Variants in RBFOX1 observed in about 807,000 individuals in gnomAD.
RBFOX1 encodes the protein RNA binding fox-1 homolog 1.
Under a neutral mutation model 57.7 loss-of-function variants are expected in RBFOX1, and 8 were observed. The observed-to-expected ratio is 0.14, with a 90% CI of 0.08 to 0.25. The LOEUF is 0.25. RBFOX1 is among the 10% of genes least tolerant of loss of function. RBFOX1 has a pLI of 1.00. For missense variants in RBFOX1, 611 were observed against 548.5 expected (o/e 1.11, Z -1.14); for synonymous variants, 326 against 222.4 (o/e 1.47, Z -4.15).
In RBFOX1 at chr16:5,980,913, C is replaced by T. The variant is rs541985938; in HGVS notation, c.351+113578C>T. 2.6e-4 allele frequency among the ~76,000 whole-genome samples: 40 copies of T among 152,232 alleles called. 1 individual carries two copies. The highest frequency in any genetic ancestry group is 4.7e-4 in the Non-Finnish European group (32 of 68,006). ...CACTGGGCTTGCTTTTTATAACTAC[C>T]TTCTATGTGCCACAAGTAGGGTTTC... On this transcript the variant is annotated intron_variant, in intron 4 of 19. Transcript: ENST00000641259.
At chr16:6,703,082 C>T (rs1451025729) in intron 3 of RBFOX1, among the ~76,000 whole-genome samples, 1 of 152,126 alleles carries the variant, frequency 6.6e-6, no homozygotes, top group Non-Finnish European at 1.5e-5. Context: ...GTGTGTTATT[C>T]TTATTTCCTT....
At chr16:7,539,440 G>A (rs2082327478) in intron 5 of RBFOX1, among the ~76,000 whole-genome samples, 1 of 152,170 alleles carries the variant, frequency 6.6e-6, no homozygotes, top group African/African-American at 2.4e-5. Context: ...GTCTCTTCTT[G>A]TAGGTGGAAC....
At chr16:6,584,352 T>G (rs967528999) in intron 2 of RBFOX1, among the ~76,000 whole-genome samples, 7 of 140,650 alleles carry the variant, frequency 5.0e-5, no homozygotes, top group African/African-American at 1.5e-4. Flanking sequence ...TTATTATTAT[T>G]ATTATTATTA....
At chr16:5,842,243 C>T (rs886585052) in intron 3 of RBFOX1, among the ~76,000 whole-genome samples, 1 of 152,090 alleles carries the variant, frequency 6.6e-6, no homozygotes, top group East Asian at 1.9e-4. Context: ...CGATGATTTT[C>T]CTAGTGAGAT....
chr16:5,575,957 G>A (rs867732643), intron 2 of RBFOX1, among the ~76,000 whole-genome samples: 3 of 151,826 alleles, frequency 2.0e-5, no homozygotes, highest in Middle Eastern at 3.2e-3. Context: ...GCTGGGGGGA[G>A]GGATAGAGAG....
intron 1 of RBFOX1, among the ~76,000 whole-genome samples, chr16:6,176,355 C>T (rs368992748): frequency 1.7e-3 from 212 of 125,606 alleles, no homozygotes; most frequent in African/African-American, 6.3e-3. Flanking sequence ...TATGGGGTTT[C>T]GCCATGTTGG....
intron 1 of RBFOX1, among the ~76,000 whole-genome samples, chr16:6,295,781 G>A (rs748637897): frequency 5.4e-4 from 82 of 152,314 alleles, no homozygotes; most frequent in Middle Eastern, 3.4e-3. Flanking sequence ...AACGTGCAGA[G>A]CCCGCTGTTC....
chr16:5,516,139 C>G (rs867812604), intron 2 of RBFOX1, among the ~76,000 whole-genome samples: 2 of 152,188 alleles, frequency 1.3e-5, no homozygotes, highest in African/African-American at 4.8e-5. Context: ...AGTCCTGTGT[C>G]TGGTCCTGAG....
chr16:6,384,743 T>C (rs571790111), intron 2 of RBFOX1, among the ~76,000 whole-genome samples: 6 of 152,338 alleles, frequency 3.9e-5, no homozygotes, highest in South Asian at 2.1e-4. Flanking sequence ...TGGATGTGGC[T>C]TTTTAATTAA....
chr16:5,791,484 A>G (rs1390999092), intron 3 of RBFOX1, among the ~76,000 whole-genome samples: 1 of 152,120 alleles, frequency 6.6e-6, no homozygotes, highest in African/African-American at 2.4e-5. Flanking sequence ...AGGGCTGGGT[A>G]ATGGTCTATC....
intron 4 of RBFOX1, among the ~76,000 whole-genome samples, chr16:5,957,463 G>A (rs2059667131): frequency 6.6e-6 from 1 of 152,098 alleles, no homozygotes; most frequent in Non-Finnish European, 1.5e-5. Context: ...CACCTCAAGT[G>A]ATCTGCCTGA....
chr16:6,578,707 CAG>C lies in RBFOX1; in HGVS notation c.-63-75894_-63-75893del, dbSNP rs1396686646. ...AGAGAAACAGAGAGTGAAGAAGAAA[CAG>C]AATATTTTCCATTTATTTCAAGTCA... On this transcript the variant is annotated intron_variant, in intron 2 of 15. Transcript: ENST00000550418. 3.3e-5 allele frequency among the ~76,000 whole-genome samples: 5 copies of C among 151,772 alleles called. No homozygotes were observed. The East Asian group carries it at 5.8e-4, about 18-fold the overall frequency.
intron 3 of RBFOX1, among the ~76,000 whole-genome samples, chr16:5,625,133 TTC>T (rs1332675356): frequency 6.6e-6 from 1 of 152,210 alleles, no homozygotes; most frequent in Non-Finnish European, 1.5e-5. Flanking sequence ...TGAGCCATCT[TTC>T]TCTTTCTTAC....
chr16:7,020,654 G>C (rs1402589770), intron 3 of RBFOX1, among the ~76,000 whole-genome samples: 2 of 152,148 alleles, frequency 1.3e-5, no homozygotes, highest in Non-Finnish European at 2.9e-5. Flanking sequence ...TGTATTAACA[G>C]AAAAGGAAAT....
chr16:5,403,162 C>G (rs930033474), intron 1 of RBFOX1, among the ~76,000 whole-genome samples: 3 of 151,986 alleles, frequency 2.0e-5, no homozygotes, highest in African/African-American at 7.2e-5. Flanking sequence ...ACCAGCCTGA[C>G]CAACATGGAG....
At chr16:6,577,606 T>C (rs967864562) in intron 2 of RBFOX1, among the ~76,000 whole-genome samples, 3 of 152,198 alleles carry the variant, frequency 2.0e-5, no homozygotes, top group African/African-American at 7.2e-5. Context: ...CTTCTGCATG[T>C]ATTGGCTCAT....
At chr16:7,088,332 T>G (rs1045972792) in intron 4 of RBFOX1, among the ~76,000 whole-genome samples, 2 of 152,230 alleles carry the variant, frequency 1.3e-5, no homozygotes, top group Admixed American at 6.5e-5. Context: ...TGTTTTGTTT[T>G]TGTTTCTGTT....
chr16:5,931,784 C>T (rs1038208552), intron 4 of RBFOX1, among the ~76,000 whole-genome samples: 1 of 152,148 alleles, frequency 6.6e-6, no homozygotes, highest in Non-Finnish European at 1.5e-5. Context: ...TTGTTTGGAA[C>T]TTGAATATGA....
intron 2 of RBFOX1, chr16:6,483,578 C>G: frequency 6.5e-7 from 1 of 1,529,338 alleles, no homozygotes; most frequent in South Asian, 1.2e-5. Context: ...AAAACACTGT[C>G]AGGGAAGGAG....
Sources: allele counts gnomAD v4.1 joint callset (sites outside exome capture counted in the v4.1 genomes callset), GRCh38; gene constraint gnomAD v4.1.1; transcripts MANE v1.5; gene names NCBI Gene and HGNC (gene_info 2026-07-23, HGNC 2026-07-21).